Variants in RAB30 observed in about 807,000 individuals in gnomAD.
RAB30 encodes the protein RAB30, member RAS oncogene family.
A neutral mutation model predicts 25.1 loss-of-function variants in RAB30; 9 were observed. The observed-to-expected ratio is 0.36, with a 90% CI of 0.22 to 0.63. RAB30 has a LOEUF of 0.63. Ranked by LOEUF, RAB30 falls within the 20% of genes least tolerant of loss-of-function variation. RAB30 has a pLI of 0.69. For missense variants in RAB30, 140 were observed against 243.5 expected, an observed-to-expected ratio of 0.58 and a Z score of 2.83; for synonymous variants, 77 against 86.4, an observed-to-expected ratio of 0.89 and a Z score of 0.60.
At chr11:83,039,830 C>T (rs532186738) in intron 1 of RAB30, among the ~76,000 whole-genome samples, 2 of 152,038 alleles carry the variant, frequency 1.3e-5, no homozygotes, top group Non-Finnish European at 2.9e-5. Flanking sequence ...AAAAAATGGC[C>T]GACTTAATAA....
Position 82,976,905 on chromosome 11 carries a change from G to C in RAB30, c.*5260C>G, listed in dbSNP as rs1320905284. ...TATTGCTTTCCACATAAAGCAATTT[G>C]ACCTCAGTTCTTTTAAACTCATGTA... On this transcript the variant is annotated 3_prime_UTR_variant, in exon 5 of 5. Transcript: ENST00000527633. The C allele has an allele frequency of 6.6e-6, 1 of 152,128 alleles. No homozygotes were observed. Among genetic ancestry groups the C allele is most frequent in the Non-Finnish European group, 1.5e-5 (1 of 68,008 alleles). 9.4% of individuals were successfully genotyped at this position (152,128 alleles called of 1,614,324 possible).
chr11:83,063,679 A>G (rs1252323438), intron 1 of RAB30, among the ~76,000 whole-genome samples: 1 of 152,174 alleles, frequency 6.6e-6, no homozygotes, highest in Non-Finnish European at 1.5e-5. Context: ...CCAAGTGGCT[A>G]ATGGACTTGG....
At chr11:82,990,411 C>T (rs79009306) in intron 3 of RAB30, among the ~76,000 whole-genome samples, 1,611 of 152,292 alleles carry the variant, frequency 0.011, 13 homozygotes, top group Non-Finnish European at 0.016. Context: ...TTCTACTTAA[C>T]AGATTAGTAG....
intron 1 of RAB30, among the ~76,000 whole-genome samples, chr11:83,019,451 G>C (rs1857515098): frequency 1.3e-5 from 2 of 152,204 alleles, no homozygotes; most frequent in African/African-American, 4.8e-5. Context: ...CAAGTGGCTA[G>C]GAAGTGGCCT....
intron 1 of RAB30, among the ~76,000 whole-genome samples, chr11:83,051,835 T>C (rs1251070634): frequency 6.6e-6 from 1 of 152,200 alleles, no homozygotes; most frequent in Admixed American, 6.5e-5. Context: ...TTATCATACA[T>C]AGCCAGCTCT....
At chr11:82,996,646 G>A (rs915169553) in intron 2 of RAB30, among the ~76,000 whole-genome samples, 3 of 152,162 alleles carry the variant, frequency 2.0e-5, no homozygotes, top group Admixed American at 2.0e-4. Flanking sequence ...TAGATCATAT[G>A]ATAAGAATTG....
intron 4 of RAB30, among the ~76,000 whole-genome samples, chr11:82,986,810 A>C (rs1250143206): frequency 1.3e-5 from 2 of 152,226 alleles, no homozygotes; most frequent in Non-Finnish European, 2.9e-5. Flanking sequence ...TTATAACACT[A>C]TTCTAAAGTG....
At chr11:83,022,770 C>G (rs1857610089) in intron 1 of RAB30, among the ~76,000 whole-genome samples, 2 of 151,742 alleles carry the variant, frequency 1.3e-5, no homozygotes, top group African/African-American at 4.8e-5. Context: ...GTAAAAATAC[C>G]CCCTGGTCAC....
chr11:83,020,040 A>C (rs897070962), intron 1 of RAB30, among the ~76,000 whole-genome samples: 1 of 152,222 alleles, frequency 6.6e-6, no homozygotes, highest in African/African-American at 2.4e-5. Flanking sequence ...AGAGCCAGGG[A>C]CAAGCAGGAG....
chr11:82,997,200 G>A (rs775647242), intron 2 of RAB30, 24 bp downstream of exon 2: 26 of 1,570,626 alleles, frequency 1.7e-5, no homozygotes, highest in African/African-American at 4.1e-5. Context: ...CTGGGCTTAC[G>A]AGTTCCCTTA....
chr11:82,993,741 C>T (rs1333816358), intron 3 of RAB30, among the ~76,000 whole-genome samples: 1 of 152,192 alleles, frequency 6.6e-6, no homozygotes, highest in African/African-American at 2.4e-5. Flanking sequence ...ATTGGCCCAG[C>T]TCAAGAGATC....
At chr11:83,070,186 A>T (rs139782856) in intron 1 of RAB30, among the ~76,000 whole-genome samples, 2 of 152,316 alleles carry the variant, frequency 1.3e-5, no homozygotes, top group East Asian at 3.9e-4. Flanking sequence ...GGGTGTCCAG[A>T]AGAGCAGAGC....
Position 82,982,033 on chromosome 11 carries a change from C to G in RAB30, c.*132G>C, listed in dbSNP as rs931309998. ...TGGTCGAGGCCCTTGGCCTGCCATG[C>G]TTTGTAAGCTCAGGAGCCCACAGGA... On this transcript the variant is annotated 3_prime_UTR_variant, in exon 5 of 5. Coordinates refer to ENST00000527633, the MANE Select transcript of RAB30 (RefSeq NM_001286060.2). 50 of 1,283,424 alleles carry G rather than the reference C, an allele frequency of 3.9e-5. No homozygotes were observed. The East Asian group carries it at 1.1e-3, about 28-fold the overall frequency. 79.5% of individuals were successfully genotyped at this position (1,283,424 alleles called of 1,614,324 possible).
intron 3 of RAB30, chr11:82,992,352 C>T (rs1856867827): frequency 2.2e-6 from 1 of 456,160 alleles, no homozygotes; most frequent in Non-Finnish European, 4.4e-6. Flanking sequence ...TCCCCATTCA[C>T]TGCTGTATTT....
intron 1 of RAB30, among the ~76,000 whole-genome samples, chr11:83,010,504 C>G (rs539345223): frequency 1.3e-5 from 2 of 152,250 alleles, no homozygotes. Flanking sequence ...ATTCTTACCT[C>G]TGGGTGGTGA....
chr11:83,028,488 A>G (rs1472021208), intron 1 of RAB30, among the ~76,000 whole-genome samples: 1 of 152,172 alleles, frequency 6.6e-6, no homozygotes, highest in African/African-American at 2.4e-5. Flanking sequence ...CAGCACACGA[A>G]GCACACTGTG....
At chr11:83,001,291 T>C (rs542666664) in intron 1 of RAB30, among the ~76,000 whole-genome samples, 18 of 152,268 alleles carry the variant, frequency 1.2e-4, no homozygotes, top group African/African-American at 4.3e-4. Flanking sequence ...TCCTCCTGCC[T>C]CAGCCTCCCA....
intron 4 of RAB30, among the ~76,000 whole-genome samples, chr11:82,983,633 C>T (rs181651832): frequency 8.6e-5 from 13 of 151,752 alleles, no homozygotes; most frequent in African/African-American, 3.1e-4. Flanking sequence ...GACAGAGTTT[C>T]GCCACGTCCA....
chr11:83,025,372 G>A (rs137991676), intron 1 of RAB30, among the ~76,000 whole-genome samples: 2 of 152,328 alleles, frequency 1.3e-5, no homozygotes, highest in African/African-American at 4.8e-5. Context: ...TGTTATAGCT[G>A]CCCTCACTCC....
Sources: allele counts gnomAD v4.1 joint callset (sites outside exome capture counted in the v4.1 genomes callset), GRCh38; gene constraint gnomAD v4.1.1; transcripts MANE v1.5; gene names NCBI Gene and HGNC (gene_info 2026-07-23, HGNC 2026-07-21).